Variants in MECOM observed in about 807,000 individuals in gnomAD.
MECOM encodes the protein MDS1 and EVI1 complex locus, also known as histone-lysine N-methyltransferase MECOM.
Under a neutral mutation model 116.3 loss-of-function variants are expected in MECOM, and 13 were observed. The observed-to-expected ratio is 0.11, with a 90% CI of 0.07 to 0.18. The LOEUF (loss-of-function observed/expected upper bound fraction) is 0.18. Among genes scored for constraint, MECOM ranks in the 10% least tolerant of loss-of-function variants. The pLI is 1.00. For missense variants in MECOM, 1,299 were observed against 1,509.0 expected (o/e 0.86, Z 2.31); for synonymous variants, 528 against 535.2 (o/e 0.99, Z 0.19).
At chr3:169,596,693 C>T (rs1484252835) in intron 1 of MECOM, among the ~76,000 whole-genome samples, 1 of 151,504 alleles carries the variant, frequency 6.6e-6, no homozygotes, top group Non-Finnish European at 1.5e-5. Flanking sequence ...AAATTAAAAC[C>T]TAAAAAACAT....
intron 2 of MECOM, among the ~76,000 whole-genome samples, chr3:169,267,050 A>T (rs1385267989): frequency 1.3e-5 from 2 of 152,222 alleles, no homozygotes; most frequent in African/African-American, 4.8e-5. Context: ...ATGGACATGC[A>T]CTATTTTCAT....
intron 1 of MECOM, among the ~76,000 whole-genome samples, chr3:169,504,949 C>T (rs1055962593): frequency 6.6e-6 from 1 of 152,124 alleles, no homozygotes; most frequent in Non-Finnish European, 1.5e-5. Flanking sequence ...GTACCTGCAG[C>T]TAATTACTGG....
chr3:169,426,900 T>C (rs1740801926), intron 1 of MECOM, among the ~76,000 whole-genome samples: 1 of 152,328 alleles, frequency 6.6e-6, no homozygotes, highest in East Asian at 1.9e-4. Flanking sequence ...TGCCAGATAT[T>C]GTATGTATAC....
intron 1 of MECOM, among the ~76,000 whole-genome samples, chr3:169,393,032 C>G (rs923985960): frequency 2.0e-5 from 3 of 152,094 alleles, no homozygotes; most frequent in African/African-American, 7.2e-5. Flanking sequence ...GTGGGTAGTT[C>G]CCATGTCAAC....
At chr3:169,205,747 T>G (rs1212888935) in intron 2 of MECOM, among the ~76,000 whole-genome samples, 2 of 152,160 alleles carry the variant, frequency 1.3e-5, no homozygotes, top group African/African-American at 2.4e-5. Context: ...CCAAATTAGA[T>G]CGCTTAGAAT....
chr3:169,495,135 C>T (rs1298568911), intron 1 of MECOM, among the ~76,000 whole-genome samples: 1 of 152,120 alleles, frequency 6.6e-6, no homozygotes, highest in Non-Finnish European at 1.5e-5. Context: ...CTTTTTTCAT[C>T]AGTGCTATTT....
At chr3:169,619,213 C>G (rs181672236) in intron 1 of MECOM, among the ~76,000 whole-genome samples, 39 of 152,320 alleles carry the variant, frequency 2.6e-4, no homozygotes, top group Non-Finnish European at 5.1e-4. Flanking sequence ...TCCGGGTGCA[C>G]CGGCCGCAGC....
chr3:169,346,948 T>C (rs1160788515), intron 2 of MECOM, among the ~76,000 whole-genome samples: 1 of 151,974 alleles, frequency 6.6e-6, no homozygotes, highest in African/African-American at 2.4e-5. Context: ...GAAATAAAAA[T>C]AAAAGCAACC....
At chr3:169,473,457 C>T (rs1046643274) in intron 1 of MECOM, among the ~76,000 whole-genome samples, 1 of 152,080 alleles carries the variant, frequency 6.6e-6, no homozygotes, top group African/African-American at 2.4e-5. Flanking sequence ...ACAGGTTAGG[C>T]GAAGGAAGAA....
At chr3:169,467,826 C>T (rs1748553549) in intron 1 of MECOM, among the ~76,000 whole-genome samples, 1 of 152,052 alleles carries the variant, frequency 6.6e-6, no homozygotes, top group African/African-American at 2.4e-5. Context: ...GGAGTGAACA[C>T]CCCACAATGA....
intron 1 of MECOM, among the ~76,000 whole-genome samples, chr3:169,600,510 A>G (rs1052159955): frequency 6.6e-6 from 1 of 152,212 alleles, no homozygotes; most frequent in Non-Finnish European, 1.5e-5. Flanking sequence ...TTAGATGTCC[A>G]AAAACAAGAA....
chr3:169,477,117 A>ATG (rs1750581227), intron 1 of MECOM: 1 of 51,722 alleles, frequency 1.9e-5, no homozygotes, highest in African/African-American at 8.2e-5. Flanking sequence ...ATATATATAT[A>ATG]TATATATATA....
chr3:169,477,561 C>T (rs2178175), intron 1 of MECOM, among the ~76,000 whole-genome samples: 139,946 of 152,250 alleles, frequency 0.92, 64,411 homozygotes, highest in African/African-American at 0.96. Context: ...AAAGGATTAG[C>T]TGACTTAAAC....
At chr3:169,489,486 T>C (rs1752816594) in intron 1 of MECOM, among the ~76,000 whole-genome samples, 1 of 152,192 alleles carries the variant, frequency 6.6e-6, no homozygotes, top group Non-Finnish European at 1.5e-5. Flanking sequence ...GATATCAAGA[T>C]ATCCTTAAAA....
chr3:169,418,175 T>C, intron 1 of MECOM, among the ~76,000 whole-genome samples: 1 of 136,916 alleles, frequency 7.3e-6, no homozygotes, highest in African/African-American at 2.7e-5. Flanking sequence ...CCTGGACAAA[T>C]ACACCCTCTA....
Position 169,085,044 on chromosome 3 carries a change from C to G in MECOM, c.3586-1G>C, listed in dbSNP as rs1717202146. Reference sequence around the variant, plus strand: ...ACAGTGACAGCATCATAGCATATGCCTGGGGTAAAAAGGAGAGAGACTCAG... The same window carrying G: ...ACAGTGACAGCATCATAGCATATGCGTGGGGTAAAAAGGAGAGAGACTCAG... On this transcript the variant is annotated splice_acceptor_variant, in intron 16 of 16. Coordinates refer to ENST00000651503, the MANE Select transcript of MECOM (RefSeq NM_004991.4). LOFTEE classifies it high-confidence loss of function. 8.7e-6 allele frequency: 14 copies of G among 1,613,788 alleles called. No individual in the cohort carries two copies. Among genetic ancestry groups the G allele is most frequent in the Non-Finnish European group, 1.2e-5 (14 of 1,179,882 alleles).
intron 1 of MECOM, among the ~76,000 whole-genome samples, chr3:169,417,971 C>T (rs9811511): frequency 1.4e-4 from 20 of 146,130 alleles, no homozygotes; most frequent in African/African-American, 3.6e-4. Context: ...GTTGGGGGAG[C>T]GGGGAGGGAT....
chr3:169,589,278 G>A (rs1314719410), intron 1 of MECOM, among the ~76,000 whole-genome samples: 2 of 151,898 alleles, frequency 1.3e-5, no homozygotes, highest in Non-Finnish European at 2.9e-5. Context: ...TAGGCTGTCC[G>A]CTTCCCACAG....
chr3:169,513,351 G>A (rs1396907674), intron 1 of MECOM, among the ~76,000 whole-genome samples: 1 of 152,226 alleles, frequency 6.6e-6, no homozygotes, highest in African/African-American at 2.4e-5. Context: ...CTGGACTTAC[G>A]GTAATAAAAT....
Sources: gnomAD v4.1 joint callset for allele counts (sites outside exome capture counted in the v4.1 genomes callset) on GRCh38, gnomAD v4.1.1 for gene constraint, MANE v1.5 for transcripts, NCBI Gene and HGNC (gene_info 2026-07-23, HGNC 2026-07-21) for gene names.